DRAM2: variants seen among roughly 807,000 people sequenced by gnomAD.
DRAM2 encodes the protein DNA damage regulated autophagy modulator 2, also known as DNA damage-regulated autophagy modulator protein 2.
In DRAM2, 26 loss-of-function variants were observed where a neutral mutation model predicts 33.5. The ratio of observed to expected loss-of-function variants is 0.78; its 90% confidence interval spans 0.57 to 1.08. The LOEUF (loss-of-function observed/expected upper bound fraction) is 1.08. DRAM2 is among the 50% of genes least tolerant of loss of function. DRAM2 has a pLI of 0.00. For missense variants in DRAM2, 311 were observed against 318.1 expected (o/e 0.98, Z 0.17); for synonymous variants, 98 against 109.5 (o/e 0.89, Z 0.66).
chr1:111,118,753 G>T, intron 9 of DRAM2, 52 bp downstream of exon 9: 1 of 1,397,818 alleles, frequency 7.2e-7, no homozygotes, highest in Non-Finnish European at 9.9e-7. Context: ...CTACCTTCCT[G>T]GACTAAGAGA....
rs768980042 is a variant in DRAM2 at position 111,124,745 on chromosome 1, G to C, written c.336C>G (p.Phe112Leu). 1.2e-6 allele frequency: 2 copies of C among 1,613,136 alleles called. No individual in the cohort carries two copies. Among genetic ancestry groups the C allele is most frequent in the Non-Finnish European group, 1.7e-6 (2 of 1,179,540 alleles). The part of the protein sequence containing the change: ...SCLGLSIVAN[F>L]QKTTLFAAHV... The stretch of plus-strand genomic sequence containing the variant: ...TATGCTGGGCTAAAACACAAACCTG[G>C]AAGTTTGCCACAATAGAAAGTCCTA... The change falls in exon 6 of 10, where the codon TTC (phenylalanine) becomes TTG (leucine). Residue 112 changes from phenylalanine to leucine, a missense_variant. Transcript: ENST00000484310.
chr1:111,120,734 C>G, intron 6 of DRAM2, 41 bp from the exon 7 acceptor site: 1 of 1,438,974 alleles, frequency 6.9e-7, no homozygotes, highest in Non-Finnish European at 9.2e-7. Context: ...AAAAGAAACT[C>G]AGAACACATT....
chr1:111,133,780 C>T (rs1048657977), intron 3 of DRAM2, among the ~76,000 whole-genome samples: 3 of 152,210 alleles, frequency 2.0e-5, no homozygotes, highest in African/African-American at 7.2e-5. Flanking sequence ...TATAGATCTT[C>T]AAATGTGTCA....
chr1:111,118,995 T>C, intron 8 of DRAM2, 98 bp from the exon 9 acceptor site: 1 of 802,264 alleles, frequency 1.2e-6, no homozygotes, highest in Non-Finnish European at 1.8e-6. Flanking sequence ...TATAAAATAA[T>C]GGAGCTTCTG....
intron 4 of DRAM2, among the ~76,000 whole-genome samples, chr1:111,128,364 T>C (rs536303283): frequency 6.6e-6 from 1 of 152,094 alleles, no homozygotes; most frequent in Non-Finnish European, 1.5e-5. Flanking sequence ...CTAAGTTCAT[T>C]AGCAGAAAAA....
intron 5 of DRAM2, 136 bp from the exon 6 acceptor site, chr1:111,125,017 GA>G (rs146295738): frequency 0.16 from 95,043 of 597,412 alleles, 4,716 homozygotes; most frequent in South Asian, 0.31. Context: ...AGAATAAAAA[GA>G]AAAAAAAAAA....
At chr1:111,139,850 C>T (rs1654193593) in intron 1 of DRAM2, 184 bp from the exon 2 acceptor site, 1 of 152,236 alleles carries the variant, frequency 6.6e-6, no homozygotes, top group Non-Finnish European at 1.5e-5. Flanking sequence ...CCCTCTGGCG[C>T]CTGGCATAAG....
At chr1:111,135,513 T>C (rs978470555) in intron 3 of DRAM2, among the ~76,000 whole-genome samples, 5 of 152,256 alleles carry the variant, frequency 3.3e-5, no homozygotes, top group Non-Finnish European at 7.3e-5. Context: ...ATGAATTTAA[T>C]GAGCTAATGT....
intron 3 of DRAM2, among the ~76,000 whole-genome samples, chr1:111,136,846 C>T (rs1039088396): frequency 6.6e-6 from 1 of 151,730 alleles, no homozygotes; most frequent in Non-Finnish European, 1.5e-5. Context: ...TGATGGCAGG[C>T]GCCTGTAGTC....
intron 4 of DRAM2, among the ~76,000 whole-genome samples, chr1:111,127,336 T>C (rs1370200188): frequency 6.6e-6 from 1 of 152,228 alleles, no homozygotes; most frequent in East Asian, 1.9e-4. Flanking sequence ...AAGTAGAAAG[T>C]TATAGCTGGT....
In DRAM2 at chr1:111,121,472, T is replaced by C. The variant is rs188027206; in HGVS notation, c.340-779A>G. 1.3e-3 allele frequency among the ~76,000 whole-genome samples: 204 copies of C among 152,266 alleles called. 2 individuals carry two copies. The highest frequency in any genetic ancestry group is 9.7e-3 in the Admixed American group (148 of 15,282). ...AGTCACCCAGTTTGATATTTTATTA[T>C]GGCAGCACTAGAAAATTAATACAGA... On this transcript the variant is annotated intron_variant, in intron 6 of 9. Coordinates refer to ENST00000484310, the MANE Select transcript of DRAM2 (RefSeq NM_001349884.2).
At chr1:111,131,654 T>C in intron 3 of DRAM2, 86 bp from the exon 4 acceptor site, 1 of 1,294,816 alleles carries the variant, frequency 7.7e-7, no homozygotes, top group South Asian at 1.4e-5. Flanking sequence ...AGCCTTGTAC[T>C]TACCACCCCA....
intron 8 of DRAM2, among the ~76,000 whole-genome samples, chr1:111,119,380 G>A (rs1571011744): frequency 1.3e-5 from 2 of 152,062 alleles, no homozygotes; most frequent in East Asian, 1.9e-4. Flanking sequence ...ACCACCAAGT[G>A]GTTTGTGAAA....
At chr1:111,125,018 A>T in intron 5 of DRAM2, 137 bp from the exon 6 acceptor site, 1 of 429,730 alleles carries the variant, frequency 2.3e-6, no homozygotes, top group Non-Finnish European at 3.3e-6. Flanking sequence ...GAATAAAAAG[A>T]AAAAAAAAAA....
chr1:111,121,580 A>G (rs1650060677), intron 6 of DRAM2, among the ~76,000 whole-genome samples: 1 of 151,322 alleles, frequency 6.6e-6, no homozygotes, highest in Non-Finnish European at 1.5e-5. Context: ...TAGTGAAGAC[A>G]CTTACCATGT....
At chr1:111,135,944 A>G (rs570933375) in intron 3 of DRAM2, among the ~76,000 whole-genome samples, 3 of 152,196 alleles carry the variant, frequency 2.0e-5, no homozygotes, top group Non-Finnish European at 4.4e-5. Flanking sequence ...CAACATTACC[A>G]TTTTTTTCAG....
At chr1:111,125,967 TC>T (rs1252543701) in intron 5 of DRAM2, among the ~76,000 whole-genome samples, 1 of 152,218 alleles carries the variant, frequency 6.6e-6, no homozygotes, top group Non-Finnish European at 1.5e-5. Flanking sequence ...TCAAGGAATA[TC>T]TGGTTAGACT....
At chr1:111,129,706 C>T (rs1054700604) in intron 4 of DRAM2, among the ~76,000 whole-genome samples, 6 of 151,982 alleles carry the variant, frequency 3.9e-5, no homozygotes, top group Non-Finnish European at 8.8e-5. Context: ...TGTAATGAAA[C>T]CTTCATTATA....
chr1:111,139,458 C>G (rs1654045257), intron 2 of DRAM2, 43 bp downstream of exon 2: 1 of 152,398 alleles, frequency 6.6e-6, no homozygotes, highest in East Asian at 1.9e-4. Flanking sequence ...TCCCCTCCCC[C>G]TCGCTCCCTC....
Sources: gnomAD v4.1 joint callset for allele counts (sites outside exome capture counted in the v4.1 genomes callset) on GRCh38, gnomAD v4.1.1 for gene constraint, MANE v1.5 for transcripts, NCBI Gene and HGNC (gene_info 2026-07-23, HGNC 2026-07-21) for gene names.